The following CADPS variants were observed in gnomAD, a reference collection of about 807,000 sequenced individuals.
CADPS encodes calcium-dependent secretion activator 1.
In CADPS, 57 loss-of-function variants were observed where a neutral mutation model predicts 167.3. That is an observed-to-expected ratio of 0.34 (90% CI 0.28 to 0.42). The LOEUF (loss-of-function observed/expected upper bound fraction) is 0.42. Among genes scored for constraint, CADPS ranks in the 20% least tolerant of loss-of-function variants. The pLI is 1.00. For synonymous variants in CADPS, 676 were observed against 635.3 expected (o/e 1.06, Z -0.96); for missense variants, 1,414 against 1,738.1 (o/e 0.81, Z 3.32).
chr3:62,508,340 CAA>C (rs2067064971), intron 17 of CADPS, among the ~76,000 whole-genome samples: 1 of 152,108 alleles, frequency 6.6e-6, no homozygotes, highest in South Asian at 2.1e-4. Flanking sequence ...TGTCAATGAC[CAA>C]GAAACCTCTT....
chr3:62,522,626 T>G (rs1287033033), intron 13 of CADPS, among the ~76,000 whole-genome samples: 3 of 152,194 alleles, frequency 2.0e-5, no homozygotes, highest in African/African-American at 7.2e-5. Context: ...TTTTGTTACT[T>G]ATATTGAACT....
chr3:62,549,893 A>G lies in CADPS; in HGVS notation c.1966+10T>C, dbSNP rs757465442. On this transcript the variant is annotated intron_variant, in intron 11 of 29. Transcript: ENST00000383710. ...CAGAGCTATTTTTGTAAAACGGCAT[A>G]TTTACTTACAAAATTGAGAGATAGG... 1.4e-5 allele frequency: 22 copies of G among 1,607,640 alleles called. No individual in the cohort carries two copies. The highest frequency in any genetic ancestry group is 3.3e-5 in the Admixed American group (2 of 59,944).
At chr3:62,765,842 T>C in intron 2 of CADPS, 29 bp downstream of exon 2, 2 of 1,476,448 alleles carry the variant, frequency 1.4e-6, no homozygotes, top group South Asian at 2.3e-5. Context: ...TTGAGTGGTC[T>C]TGGCATTCTT....
intron 3 of CADPS, among the ~76,000 whole-genome samples, chr3:62,667,368 C>T (rs1325061974): frequency 6.6e-6 from 1 of 151,952 alleles, no homozygotes; most frequent in Non-Finnish European, 1.5e-5. Flanking sequence ...ATGTTAGGAA[C>T]CTGTGTTCTG....
intron 26 of CADPS, among the ~76,000 whole-genome samples, chr3:62,462,288 G>A (rs147295495): frequency 2.0e-5 from 3 of 152,370 alleles, no homozygotes; most frequent in African/African-American, 7.2e-5. Flanking sequence ...AGAGGAGGGT[G>A]CGCTTGGGCG....
At chr3:62,846,695 T>G (rs1267702067) in intron 1 of CADPS, among the ~76,000 whole-genome samples, 1 of 152,130 alleles carries the variant, frequency 6.6e-6, no homozygotes, top group Non-Finnish European at 1.5e-5. Flanking sequence ...TGAGACGGAG[T>G]CTTGCTGTGT....
At chr3:62,840,930 A>G (rs918151091) in intron 1 of CADPS, among the ~76,000 whole-genome samples, 3 of 152,206 alleles carry the variant, frequency 2.0e-5, no homozygotes, top group East Asian at 1.9e-4. Flanking sequence ...GGAAATCACA[A>G]TAGAAACAGT....
chr3:62,514,164 T>C lies in CADPS; in HGVS notation c.2582-1396A>G, dbSNP rs2068466034. On this transcript the variant is annotated intron_variant, in intron 16 of 29. Coordinates refer to ENST00000383710, the MANE Select transcript of CADPS (RefSeq NM_003716.4). This position sits in a 1 kb window ranked among gnomAD's most constrained non-coding sequence, Gnocchi z 4.2. ...CACAGAGGGGCTCAAATGTAAAAAA[T>C]GAAAGATTTCTTCTCTGAGGGTAGG... is the stretch of plus-strand genomic sequence containing the variant. Among the ~76,000 whole-genome samples the C allele has an allele frequency of 6.6e-6, 1 of 152,044 alleles. No individual in the cohort carries two copies. Among genetic ancestry groups the C allele is most frequent in the South Asian group, 2.1e-4 (1 of 4,830 alleles).
Position 62,867,646 on chromosome 3 carries a change from G to T in CADPS, c.441+6943C>A, listed in dbSNP as rs548337148. On this transcript the variant is annotated intron_variant, in intron 1 of 29. Coordinates refer to ENST00000383710, the MANE Select transcript of CADPS (RefSeq NM_003716.4). ...ACCAAACTCCTCCATACTGTTTCAT[G>T]ATGATAATAGCAATAATGAATATAA... is the stretch of plus-strand genomic sequence containing the variant. Among the ~76,000 whole-genome samples the T allele has an allele frequency of 3.1e-3, 472 of 152,148 alleles. 2 individuals are homozygous for T. The highest frequency in any genetic ancestry group is 5.1e-3 in the Non-Finnish European group (346 of 67,918).
chr3:62,737,944 A>G (rs1324662497), intron 3 of CADPS, among the ~76,000 whole-genome samples: 5 of 152,056 alleles, frequency 3.3e-5, no homozygotes, highest in African/African-American at 1.2e-4. Flanking sequence ...CTCTGTTTAT[A>G]TGACATAATA....
chr3:62,481,622 A>C (rs1232428070), intron 22 of CADPS, 101 bp downstream of exon 22: 4 of 1,067,176 alleles, frequency 3.7e-6, no homozygotes, highest in Non-Finnish European at 4.0e-6. Flanking sequence ...CTAATTATCC[A>C]TCTCCATCTC....
chr3:62,467,941 AGG>A (rs1438148904), intron 24 of CADPS, among the ~76,000 whole-genome samples: 1 of 152,162 alleles, frequency 6.6e-6, no homozygotes, highest in Admixed American at 6.5e-5. Context: ...GTATTAGATA[AGG>A]GTAGAGAGAG....
chr3:62,411,527 G>A (rs1011103128), intron 28 of CADPS, among the ~76,000 whole-genome samples: 5 of 152,262 alleles, frequency 3.3e-5, no homozygotes, highest in African/African-American at 9.6e-5. Context: ...CTTTCAATGC[G>A]TATTTCTTCC....
At chr3:62,402,695 C>T (rs1327074145) in intron 29 of CADPS, among the ~76,000 whole-genome samples, 2 of 152,162 alleles carry the variant, frequency 1.3e-5, no homozygotes, top group Non-Finnish European at 2.9e-5. Context: ...GTAAATATTT[C>T]TATTAAATTA....
chr3:62,497,914 G>A (rs1233941624), intron 18 of CADPS, among the ~76,000 whole-genome samples: 5 of 152,296 alleles, frequency 3.3e-5, no homozygotes, highest in Non-Finnish European at 2.9e-5. Context: ...AACTGCAGTC[G>A]TTGTTAAGTA....
chr3:62,689,217 C>G (rs966751441), intron 3 of CADPS, among the ~76,000 whole-genome samples: 1 of 151,828 alleles, frequency 6.6e-6, no homozygotes, highest in African/African-American at 2.4e-5. Flanking sequence ...TTTTTCCATG[C>G]TGTACCTGAG....
At chr3:62,830,155 T>TAATATA (rs1330221541) in intron 1 of CADPS, among the ~76,000 whole-genome samples, 1 of 152,146 alleles carries the variant, frequency 6.6e-6, no homozygotes, top group South Asian at 2.1e-4. Flanking sequence ...CATCTTCAGG[T>TAATATA]AATATATGTC....
intron 6 of CADPS, among the ~76,000 whole-genome samples, chr3:62,609,791 A>G (rs2061238313): frequency 6.6e-6 from 1 of 152,178 alleles, no homozygotes; most frequent in Non-Finnish European, 1.5e-5. Flanking sequence ...AAGGCCCTTT[A>G]AAAACCCAAG....
At chr3:62,655,939 C>T (rs1055481918) in intron 4 of CADPS, among the ~76,000 whole-genome samples, 10 of 151,950 alleles carry the variant, frequency 6.6e-5, no homozygotes, top group South Asian at 6.3e-4. Context: ...GCAACAGAGG[C>T]GTGCAGAGTA....
Sources: gnomAD v4.1 joint callset for allele counts (sites outside exome capture counted in the v4.1 genomes callset) on GRCh38, gnomAD v4.1.1 for gene constraint, Gnocchi (gnomAD v3.1) non-coding constraint, MANE v1.5 for transcripts, NCBI Gene and HGNC (gene_info 2026-07-23, HGNC 2026-07-21) for gene names.